The following LARGE1 variants were observed in gnomAD, a reference collection of about 807,000 sequenced individuals.
The protein encoded by LARGE1 is xylosyl- and glucuronyltransferase LARGE1.
A neutral mutation model predicts 87.6 loss-of-function variants in LARGE1; 43 were observed. That is an observed-to-expected ratio of 0.49 (90% CI 0.38 to 0.63). LARGE1 has a LOEUF of 0.63. Among genes scored for constraint, LARGE1 ranks in the 30% least tolerant of loss-of-function variants. The pLI is 0.00. For missense variants in LARGE1, 802 were observed against 1,000.2 expected (o/e 0.80, Z 2.67); for synonymous variants, 434 against 394.6 (o/e 1.10, Z -1.18).
chr22:33,728,576 A>AAAAAAAAAAAAC lies in LARGE1; in HGVS notation c.106+32794_106+32795insGTTTTTTTTTTT, dbSNP rs56192894. 1.2e-4 allele frequency among the ~76,000 whole-genome samples: 12 copies of AAAAAAAAAAAAC among 103,762 alleles called. 2 individuals are homozygous for AAAAAAAAAAAAC. The highest frequency in any genetic ancestry group is 1.9e-4 in the Non-Finnish European group (9 of 48,086). The allele number at this position is 103,762 out of a possible 152,430, so 68.1% of individuals were successfully genotyped here. The stretch of plus-strand genomic sequence containing the variant: ...CAAAAAAAAAAAAAAAAAAAAAAAA[A>AAAAAAAAAAAAC]AAACCAACAACAGAGACACATTTCC... On this transcript the variant is annotated intron_variant, in intron 2 of 14. Transcript: ENST00000397394.
chr22:33,395,388 C>A (rs715487), intron 7 of LARGE1, among the ~76,000 whole-genome samples: 50,836 of 151,920 alleles, frequency 0.33, 9,703 homozygotes, highest in African/African-American at 0.52. Context: ...ACTGTGTCAG[C>A]GCTAACTTAT....
intron 9 of LARGE1, 74 bp downstream of exon 9, chr22:33,381,845 G>T: frequency 1.9e-6 from 3 of 1,588,688 alleles, no homozygotes; most frequent in Non-Finnish European, 2.6e-6. Context: ...AAATCTCCCA[G>T]CCATCCATGC....
intron 6 of LARGE1, among the ~76,000 whole-genome samples, chr22:33,530,428 C>T (rs1249174548): frequency 2.0e-5 from 3 of 148,832 alleles, no homozygotes; most frequent in African/African-American, 7.4e-5. Flanking sequence ...AGCTAGCAAA[C>T]ACCATTGCCT....
chr22:33,686,549 A>G (rs1253714638), intron 2 of LARGE1, among the ~76,000 whole-genome samples: 1 of 85,526 alleles, frequency 1.2e-5, no homozygotes, highest in Non-Finnish European at 2.2e-5. Flanking sequence ...TCTCAAAAAA[A>G]AAAAAAAAAA....
At chr22:33,253,454 G>A (rs1360737193) in intron 11 of LARGE1, among the ~76,000 whole-genome samples, 1 of 152,210 alleles carries the variant, frequency 6.6e-6, no homozygotes, top group Non-Finnish European at 1.5e-5. Flanking sequence ...GCTCATGCCT[G>A]TAATTCCAGC....
chr22:33,314,580 T>C (rs576656290), intron 11 of LARGE1, among the ~76,000 whole-genome samples: 1 of 152,340 alleles, frequency 6.6e-6, no homozygotes, highest in Admixed American at 6.5e-5. Context: ...CAGGCACTGT[T>C]CTCGGCACTG....
At chr22:33,921,710 A>G (rs2065954082), upstream of LARGE1, among the ~76,000 whole-genome samples, 1 of 151,798 alleles carries the variant, frequency 6.6e-6, no homozygotes, top group Admixed American at 6.6e-5. The surrounding 1 kb of genome is among the most constrained non-coding windows in gnomAD (Gnocchi z 4.1). Flanking sequence ...TCCCCTGCTG[A>G]TTTTATTCTC....
At chr22:33,569,857 C>G (rs941344087) in intron 5 of LARGE1, among the ~76,000 whole-genome samples, 7 of 152,304 alleles carry the variant, frequency 4.6e-5, no homozygotes, top group African/African-American at 7.2e-5. Context: ...GAGGCAGGGA[C>G]GATGTCTTTT....
chr22:33,120,358 T>TTTTTTC, the LARGE1 span, among the ~76,000 whole-genome samples: 1 of 118,686 alleles, frequency 8.4e-6, no homozygotes, highest in Non-Finnish European at 1.7e-5. Flanking sequence ...TTTTCTTTCT[T>TTTTTTC]TTTCTTTCTT....
chr22:33,197,844 T>C (rs144205430), intron 11 of LARGE1, among the ~76,000 whole-genome samples: 2 of 152,054 alleles, frequency 1.3e-5, no homozygotes, highest in Non-Finnish European at 2.9e-5. Flanking sequence ...AAAAAATAAG[T>C]GGTAGAACTG....
intron 6 of LARGE1, among the ~76,000 whole-genome samples, chr22:33,525,781 T>C (rs540694880): frequency 6.6e-6 from 1 of 152,316 alleles, no homozygotes; most frequent in South Asian, 2.1e-4. Context: ...TGGCATTCAG[T>C]GAAGACACAG....
intron 2 of LARGE1, among the ~76,000 whole-genome samples, chr22:33,744,979 G>C (rs2084025952): frequency 6.6e-6 from 1 of 152,162 alleles, no homozygotes; most frequent in African/African-American, 2.4e-5. Context: ...GAACATAAAT[G>C]CAAGTGCTTT....
At chr22:33,143,980 T>C in the LARGE1 span, among the ~76,000 whole-genome samples, 1 of 152,234 alleles carries the variant, frequency 6.6e-6, no homozygotes, top group Non-Finnish European at 1.5e-5. Flanking sequence ...TGTTTCTGCC[T>C]TTCTTTATCT....
chr22:33,758,279 T>A (rs1277126171), intron 2 of LARGE1, among the ~76,000 whole-genome samples: 1 of 152,192 alleles, frequency 6.6e-6, no homozygotes, highest in Non-Finnish European at 1.5e-5. Flanking sequence ...CCACCATTTC[T>A]TACATAACCA....
At chr22:33,541,236 G>T (rs149367128) in intron 6 of LARGE1, among the ~76,000 whole-genome samples, 1 of 151,418 alleles carries the variant, frequency 6.6e-6, no homozygotes, top group African/African-American at 2.4e-5. Context: ...GCAGGGAGAG[G>T]TTAATTGGAT....
intron 6 of LARGE1, among the ~76,000 whole-genome samples, chr22:33,479,719 G>A (rs1172782472): frequency 6.6e-6 from 1 of 151,200 alleles, no homozygotes; most frequent in Non-Finnish European, 1.5e-5. Context: ...AAAATGAGGG[G>A]CAAGGGATAC....
chr22:33,713,366 G>A lies in LARGE1; in HGVS notation c.106+48005C>T, dbSNP rs867794215. On this transcript the variant is annotated intron_variant, in intron 2 of 14. Coordinates refer to ENST00000397394, the MANE Select transcript of LARGE1 (RefSeq NM_133642.5). ...AAAATGTATCCCTAAACAGCCTTTC[G>A]CTAGGAATCCCCCCTGCTATTCCAC... is the stretch of plus-strand genomic sequence containing the variant. Among the ~76,000 whole-genome samples, 10 of 152,076 alleles carry A rather than the reference G, an allele frequency of 6.6e-5. No individual in the cohort carries two copies. The East Asian group carries it at 1.4e-3, about 21-fold the overall frequency.
intron 2 of LARGE1, among the ~76,000 whole-genome samples, chr22:33,698,366 T>C (rs1279353894): frequency 1.3e-5 from 2 of 148,516 alleles, no homozygotes; most frequent in East Asian, 4.0e-4. Flanking sequence ...AGTGGTGTGA[T>C]CTCTGCTCAC....
At chr22:33,911,513 C>T (rs1045973554) in intron 1 of LARGE1, among the ~76,000 whole-genome samples, 79 of 152,060 alleles carry the variant, frequency 5.2e-4, no homozygotes, top group Middle Eastern at 3.4e-3. Context: ...TCCACTTCAT[C>T]CTCCTGACAT....
Sources: allele counts gnomAD v4.1 joint callset (sites outside exome capture counted in the v4.1 genomes callset), GRCh38; gene constraint gnomAD v4.1.1; non-coding constraint Gnocchi (gnomAD v3.1); transcripts MANE v1.5; gene names NCBI Gene and HGNC (gene_info 2026-07-23, HGNC 2026-07-21).